The following PRR16 variants were observed in gnomAD, a reference collection of about 807,000 sequenced individuals.
PRR16 encodes the protein protein Largen.
A neutral mutation model predicts 18.2 loss-of-function variants in PRR16; 6 were observed. That is an observed-to-expected ratio of 0.33 (90% CI 0.18 to 0.65). PRR16 has a LOEUF of 0.65. Among genes scored for constraint, PRR16 ranks in the 30% least tolerant of loss-of-function variants. The pLI is 0.74. For missense variants in PRR16, 412 were observed against 376.6 expected (o/e 1.09, Z -0.78); for synonymous variants, 151 against 147.8 (o/e 1.02, Z -0.16).
At chr5:120,625,990 C>T (rs1290098581) in intron 1 of PRR16, among the ~76,000 whole-genome samples, 1 of 151,980 alleles carries the variant, frequency 6.6e-6, no homozygotes, top group Non-Finnish European at 1.5e-5. Context: ...CCAAAGAATC[C>T]CACTCCAGAA....
chr5:120,551,215 T>C (rs1197854908), intron 1 of PRR16, among the ~76,000 whole-genome samples: 2 of 152,026 alleles, frequency 1.3e-5, no homozygotes, highest in African/African-American at 2.4e-5. Flanking sequence ...TCTATATTTC[T>C]GTGAGTTCTA....
At chr5:120,780,801 G>A in the PRR16 span, among the ~76,000 whole-genome samples, 1 of 152,082 alleles carries the variant, frequency 6.6e-6, no homozygotes, top group Non-Finnish European at 1.5e-5. Flanking sequence ...CTGTAATCCC[G>A]GCGCTCTGGG....
At chr5:120,777,987 A>G in the PRR16 span, among the ~76,000 whole-genome samples, 313 of 152,246 alleles carry the variant, frequency 2.1e-3, 2 homozygotes, top group African/African-American at 7.3e-3. Context: ...TTAATTCTGA[A>G]CATAGTATGA....
At chr5:120,785,912 C>T in the PRR16 span, among the ~76,000 whole-genome samples, 2 of 151,414 alleles carry the variant, frequency 1.3e-5, no homozygotes, top group Admixed American at 1.3e-4. Context: ...TCTAAAGTTA[C>T]CCATTTGCTT....
chr5:120,665,672 G>A (rs62377794), intron 1 of PRR16, among the ~76,000 whole-genome samples: 72,160 of 151,532 alleles, frequency 0.48, 18,415 homozygotes, highest in Middle Eastern at 0.63. Flanking sequence ...AGCTTTCTAC[G>A]TATGGCTAGC....
intron 1 of PRR16, among the ~76,000 whole-genome samples, chr5:120,492,587 A>G (rs1750096831): frequency 6.6e-6 from 1 of 152,012 alleles, no homozygotes; most frequent in Non-Finnish European, 1.5e-5. Context: ...AAATTTCAGT[A>G]GTTTTGGGAG....
At chr5:120,677,213 A>T (rs574464797) in intron 1 of PRR16, among the ~76,000 whole-genome samples, 1 of 152,280 alleles carries the variant, frequency 6.6e-6, no homozygotes, top group Non-Finnish European at 1.5e-5. Context: ...TTAACATTTT[A>T]TATGAAGTGT....
At chr5:120,477,431 C>T (rs566838940) in intron 1 of PRR16, among the ~76,000 whole-genome samples, 7 of 152,162 alleles carry the variant, frequency 4.6e-5, no homozygotes, top group South Asian at 4.1e-4. Flanking sequence ...TTCTCTCATG[C>T]GTTATGTTCA....
intron 1 of PRR16, among the ~76,000 whole-genome samples, chr5:120,482,024 C>CTAAA (rs540966431): frequency 6.6e-5 from 10 of 151,906 alleles, no homozygotes; most frequent in Non-Finnish European, 1.5e-4. Context: ...TACTCCCATG[C>CTAAA]TAAATTATTA....
intron 1 of PRR16, among the ~76,000 whole-genome samples, chr5:120,531,760 G>A (rs1751558639): frequency 1.3e-5 from 2 of 151,964 alleles, no homozygotes; most frequent in Admixed American, 1.3e-4. Context: ...CACAGAAAGG[G>A]AATATCTCCC....
At chr5:120,484,489 A>G (rs1157545754) in intron 1 of PRR16, among the ~76,000 whole-genome samples, 1 of 144,954 alleles carries the variant, frequency 6.9e-6, no homozygotes, top group Non-Finnish European at 1.5e-5. Flanking sequence ...ATTAGATATG[A>G]TATATAATAT....
At chr5:120,709,095 G>T in the PRR16 span, among the ~76,000 whole-genome samples, 2 of 136,096 alleles carry the variant, frequency 1.5e-5, no homozygotes, top group Admixed American at 8.3e-5. Context: ...GCAAGCTCCA[G>T]CTCCTGGGTT....
intron 1 of PRR16, among the ~76,000 whole-genome samples, chr5:120,637,621 A>T (rs1755281410): frequency 7.6e-6 from 1 of 130,766 alleles, no homozygotes; most frequent in Non-Finnish European, 1.7e-5. Flanking sequence ...CATAAGAATG[A>T]TACATTGGAC....
At chr5:120,702,340 G>C in the PRR16 span, among the ~76,000 whole-genome samples, 1 of 151,836 alleles carries the variant, frequency 6.6e-6, no homozygotes, top group Admixed American at 6.6e-5. Flanking sequence ...GGATTGGGGC[G>C]CAGAGATACG....
intron 1 of PRR16, among the ~76,000 whole-genome samples, chr5:120,649,985 C>T (rs1257942205): frequency 6.6e-6 from 1 of 151,500 alleles, no homozygotes; most frequent in East Asian, 1.9e-4. Context: ...AGTGGGAGGC[C>T]TAGGTGGGCA....
the PRR16 span, among the ~76,000 whole-genome samples, chr5:120,698,176 G>A: frequency 9.2e-4 from 140 of 152,208 alleles, no homozygotes; most frequent in African/African-American, 3.1e-3. Flanking sequence ...GGTGAGGGGT[G>A]GCGTGGGAAC....
chr5:120,581,390 CCTAT>C (rs1561556632), intron 1 of PRR16, among the ~76,000 whole-genome samples: 1 of 151,942 alleles, frequency 6.6e-6, no homozygotes, highest in Non-Finnish European at 1.5e-5. Flanking sequence ...TTGTATTGTG[CCTAT>C]CTGATTCTTC....
chr5:120,489,272 A>C (rs1040209796), intron 1 of PRR16, among the ~76,000 whole-genome samples: 6 of 152,056 alleles, frequency 3.9e-5, no homozygotes, highest in African/African-American at 1.4e-4. Context: ...TCCCATTATT[A>C]TTGTGTGGGA....
chr5:120,673,008 A>C (rs1756668529), intron 1 of PRR16, among the ~76,000 whole-genome samples: 1 of 152,236 alleles, frequency 6.6e-6, no homozygotes, highest in Non-Finnish European at 1.5e-5. Context: ...TAGAGGCATG[A>C]GTCTGTTAAA....
Sources: allele counts gnomAD v4.1 joint callset (sites outside exome capture counted in the v4.1 genomes callset), GRCh38; gene constraint gnomAD v4.1.1; transcripts MANE v1.5; gene names NCBI Gene and HGNC (gene_info 2026-07-23, HGNC 2026-07-21).